The following SHQ1 variants were observed in gnomAD, a reference collection of about 807,000 sequenced individuals.
SHQ1 encodes protein SHQ1 homolog.
In SHQ1, 49 loss-of-function variants were observed where a neutral mutation model predicts 53.8. That is an observed-to-expected ratio of 0.91 (90% CI 0.72 to 1.16). The LOEUF is 1.16. Ranked by LOEUF, SHQ1 falls within the 50% of genes most tolerant of loss-of-function variation. SHQ1 has a pLI of 0.00. For synonymous variants in SHQ1, 243 were observed against 251.0 expected, an observed-to-expected ratio of 0.97 and a Z score of 0.30; for missense variants, 738 against 683.1, an observed-to-expected ratio of 1.08 and a Z score of -0.90.
rs552426864 is a variant in SHQ1, at chr3:72,827,242, C to T, written c.600-2691G>A. Among the ~76,000 whole-genome samples, 6 of 152,076 alleles carry T rather than the reference C, an allele frequency of 3.9e-5. No individual in the cohort carries two copies. In the East Asian group the frequency reaches 9.7e-4, roughly 25 times the overall value. On this transcript the variant is annotated intron_variant, in intron 5 of 10. Transcript: ENST00000325599. The stretch of plus-strand genomic sequence containing the variant: ...CTTGGGATAGGTTGAGTATGACATG[C>T]CTTTTTTTAGGATTTACAAACAGAC...
chr3:72,846,454 C>A, intron 1 of SHQ1: 1 of 691,906 alleles, frequency 1.4e-6, no homozygotes, highest in Non-Finnish European at 2.3e-6. Context: ...TGCCATCAAG[C>A]CCAGATAATT....
intron 5 of SHQ1, 52 bp downstream of exon 5, chr3:72,832,317 T>G (rs1575731986): frequency 1.4e-6 from 2 of 1,382,066 alleles, no homozygotes; most frequent in South Asian, 1.2e-5. Flanking sequence ...CTCAAAAATT[T>G]TAAAATAAAT....
intron 10 of SHQ1, among the ~76,000 whole-genome samples, chr3:72,759,423 G>A (rs1307448330): frequency 6.6e-6 from 1 of 152,204 alleles, no homozygotes; most frequent in Non-Finnish European, 1.5e-5. Context: ...GGAGGCAGCA[G>A]CTCACACCTG....
At chr3:72,837,112 C>G (rs1440663078) in intron 4 of SHQ1, among the ~76,000 whole-genome samples, 1 of 152,104 alleles carries the variant, frequency 6.6e-6, no homozygotes, top group Non-Finnish European at 1.5e-5. Flanking sequence ...CTGCTGGCAG[C>G]CACCACTGCC....
intron 10 of SHQ1, among the ~76,000 whole-genome samples, chr3:72,776,489 A>C (rs1705960310): frequency 6.6e-6 from 1 of 152,228 alleles, no homozygotes. Flanking sequence ...TGATGCTCAC[A>C]CAACAAAACT....
At chr3:72,827,235 T>C (rs1365277723) in intron 5 of SHQ1, among the ~76,000 whole-genome samples, 5 of 152,082 alleles carry the variant, frequency 3.3e-5, no homozygotes, top group Non-Finnish European at 5.9e-5. Context: ...AGGTTGAGTA[T>C]GACATGCCTT....
At chr3:72,761,116 C>T (rs1705600645) in intron 10 of SHQ1, among the ~76,000 whole-genome samples, 1 of 152,108 alleles carries the variant, frequency 6.6e-6, no homozygotes, top group Non-Finnish European at 1.5e-5. Context: ...CTGACACAGA[C>T]TACAGATCCC....
At position 72,749,811 on chromosome 3, in the gene SHQ1, C is replaced by CA. The variant is rs1212811520; in HGVS notation, c.*472dup. On this transcript the variant is annotated 3_prime_UTR_variant, in exon 11 of 11. Coordinates refer to ENST00000325599, the MANE Select transcript of SHQ1 (RefSeq NM_018130.3). ...ATCTTCACAGTCGCGGCAAGGAAAA[C>CA]AAAAGGTATAAACATTCATTGGTTG... 7.2e-5 allele frequency: 16 copies of CA among 222,832 alleles called. No individual in the cohort carries two copies. Among genetic ancestry groups the CA allele is most frequent in the Non-Finnish European group, 1.2e-4 (13 of 111,684 alleles). The allele number at this position is 222,832 out of a possible 1,614,324, so 13.8% of individuals were successfully genotyped here. A position where few individuals can be genotyped will look rare whatever the true frequency, so the allele number is the denominator to read the frequency against.
In SHQ1 at chr3:72,749,677, CTAAAA is replaced by C. The variant is rs150598294; in HGVS notation, c.*602_*606del. On this transcript the variant is annotated 3_prime_UTR_variant, in exon 11 of 11. Coordinates refer to ENST00000325599, the MANE Select transcript of SHQ1 (RefSeq NM_018130.3). ...GTTTATTGGGTGTCAAGTACACCTC[CTAAAA>C]TAAAAATATTGATGGGCTCTACATT... 0.011 allele frequency: 2,323 copies of C among 214,340 alleles called. 48 individuals carry two copies. The highest frequency in any genetic ancestry group is 0.049 in the African/African-American group (2,159 of 44,268). The allele number at this position is 214,340 out of a possible 1,614,324, so 13.3% of individuals were successfully genotyped here. A position where few individuals can be genotyped will look rare whatever the true frequency, so the allele number is the denominator to read the frequency against.
chr3:72,794,392 AG>A (rs1231374652), intron 9 of SHQ1: 6 of 152,226 alleles, frequency 3.9e-5, no homozygotes, highest in African/African-American at 1.4e-4. Flanking sequence ...CCGCAACAGC[AG>A]GTTTTCCATT....
chr3:72,823,838 T>A (rs898124299), intron 6 of SHQ1, among the ~76,000 whole-genome samples: 5 of 152,240 alleles, frequency 3.3e-5, no homozygotes, highest in African/African-American at 7.2e-5. Flanking sequence ...TATATATGTA[T>A]TCTTTCCATT....
intron 4 of SHQ1, among the ~76,000 whole-genome samples, chr3:72,836,617 A>G (rs944916075): frequency 6.6e-6 from 1 of 152,128 alleles, no homozygotes; most frequent in Non-Finnish European, 1.5e-5. Context: ...TGCAAGCCCC[A>G]CCCAGGCTTG....
At chr3:72,769,396 T>C (rs1705799626) in intron 10 of SHQ1, among the ~76,000 whole-genome samples, 1 of 152,234 alleles carries the variant, frequency 6.6e-6, no homozygotes, top group Non-Finnish European at 1.5e-5. Flanking sequence ...AACTTCTACG[T>C]CTGCAGACTT....
At chr3:72,812,356 G>A (rs1362801596) in intron 9 of SHQ1, among the ~76,000 whole-genome samples, 1 of 152,132 alleles carries the variant, frequency 6.6e-6, no homozygotes, top group Admixed American at 6.5e-5. Flanking sequence ...CCACCATAGA[G>A]CCTAGAAGAT....
intron 10 of SHQ1, among the ~76,000 whole-genome samples, chr3:72,751,508 G>GTATATATATATATATATATATATATATA (rs371779807): frequency 8.5e-6 from 1 of 116,980 alleles, no homozygotes; most frequent in Admixed American, 8.1e-5. Context: ...GTGTGTGTGT[G>GTATATATATATATATATATATATATATA]TATATATATA....
chr3:72,751,502 G>GTATATATATA (rs1469973919), intron 10 of SHQ1, among the ~76,000 whole-genome samples: 1 of 118,822 alleles, frequency 8.4e-6, no homozygotes, highest in African/African-American at 4.2e-5. Flanking sequence ...GTGTGTGTGT[G>GTATATATATA]TGTGTGTATA....
At chr3:72,796,207 A>C (rs560867374) in intron 9 of SHQ1, among the ~76,000 whole-genome samples, 1 of 152,248 alleles carries the variant, frequency 6.6e-6, no homozygotes, top group South Asian at 2.1e-4. Flanking sequence ...AAGGAGAATA[A>C]GCAGATGAGT....
At chr3:72,830,876 C>G (rs753053606) in intron 5 of SHQ1, among the ~76,000 whole-genome samples, 3 of 152,156 alleles carry the variant, frequency 2.0e-5, no homozygotes, top group Admixed American at 1.3e-4. Context: ...ACTATAAATT[C>G]CAATTTCCTA....
In SHQ1 at chr3:72,848,380, C is replaced by G. The variant is rs1042883654; in HGVS notation, c.-40G>C. On this transcript the variant is annotated 5_prime_UTR_variant, in exon 1 of 11. Coordinates refer to ENST00000325599, the MANE Select transcript of SHQ1 (RefSeq NM_018130.3). ...CAAGGGCCGGCGCCGCTCGCTCTCA[C>G]TGCCGCCGCGTTCCCGCCACGCAAA... is the stretch of plus-strand genomic sequence containing the variant. 2 of 1,608,000 alleles carry G rather than the reference C, an allele frequency of 1.2e-6. No homozygotes were observed. Among genetic ancestry groups the G allele is most frequent in the Non-Finnish European group, 1.7e-6 (2 of 1,176,704 alleles).
Sources: gnomAD v4.1 joint callset for allele counts (sites outside exome capture counted in the v4.1 genomes callset) on GRCh38, gnomAD v4.1.1 for gene constraint, MANE v1.5 for transcripts, NCBI Gene and HGNC (gene_info 2026-07-23, HGNC 2026-07-21) for gene names.